The following VSX1 variants were observed in gnomAD, a reference collection of about 807,000 sequenced individuals.
The protein encoded by VSX1 is visual system homeobox 1.
In VSX1, 23 loss-of-function variants were observed where a neutral mutation model predicts 23.6. That is an observed-to-expected ratio of 0.97 (90% CI 0.70 to 1.38). The LOEUF is 1.38. VSX1 is among the 40% of genes most tolerant of loss of function. VSX1 has a pLI of 0.00. For missense variants in VSX1, 517 were observed against 495.4 expected (o/e 1.04, Z -0.41); for synonymous variants, 247 against 215.1 (o/e 1.15, Z -1.30).
chr20:25,077,635 CCACCTCCTACAA>C (rs2089529079), intron 4 of VSX1, 38 bp downstream of exon 4: 3 of 1,537,456 alleles, frequency 2.0e-6, no homozygotes, highest in Non-Finnish European at 2.6e-6. Flanking sequence ...TGGGATTCCC[CCACCTCCTACAA>C]CACCTCGAGC....
At position 25,081,911 on chromosome 20, in the gene VSX1, C is replaced by T. The variant is rs764775776; in HGVS notation, c.186G>A (p.Pro62=). Residue 62 remains proline, a synonymous_variant, in exon 1 of 5, where the codon CCG becomes CCA. Transcript: ENST00000376709. Reference sequence around the variant, plus strand: ...AGCCGTCAAGCCCCGGGCCCGGGCACGGCGCGACTGCCGGACCCTCGCAGC... The same window carrying T: ...AGCCGTCAAGCCCCGGGCCCGGGCATGGCGCGACTGCCGGACCCTCGCAGC... ...GSGCEGPAVA[P]CPGPGLDGSS... 2 of 1,528,948 alleles carry T rather than the reference C, an allele frequency of 1.3e-6. No homozygotes were observed. The highest frequency in any genetic ancestry group is 1.7e-6 in the Non-Finnish European group (2 of 1,144,330). The allele number at this position is 1,528,948 out of a possible 1,614,324, so 94.7% of individuals were successfully genotyped here.
downstream of VSX1, among the ~76,000 whole-genome samples, chr20:25,073,265 A>T (rs145901884): frequency 4.5e-3 from 678 of 152,236 alleles, 2 homozygotes; most frequent in African/African-American, 0.015. Flanking sequence ...TTATTTTTAC[A>T]TACTAATTTT....
chr20:25,077,600 A>G, intron 4 of VSX1, 85 bp downstream of exon 4: 1 of 1,495,726 alleles, frequency 6.7e-7, no homozygotes, highest in Non-Finnish European at 9.0e-7. Flanking sequence ...TTGCTTTGGA[A>G]ATGGCTGCCT....
At position 25,076,350 on chromosome 20, in the gene VSX1, T is replaced by C; in HGVS notation, c.1009A>G (p.Lys337Glu). Reference sequence around the variant, plus strand: ...GCACCAGCCCCAGGGTGCACTTTCTTGGTCTCCTGCCGGGCAGAGCTGGAG... The same window carrying C: ...GCACCAGCCCCAGGGTGCACTTTCTCGGTCTCCTGCCGGGCAGAGCTGGAG... ...DLSSSARQET[K>E]KVHPGAGAQG... Residue 337 changes from lysine to glutamate, a missense_variant, in exon 5 of 5, where the codon AAG (lysine) becomes GAG (glutamate). Physicochemically the swap from Lys to Glu is moderately conservative, Grantham distance 56 (BLOSUM62 1). Coordinates refer to ENST00000376709, the MANE Select transcript of VSX1 (RefSeq NM_014588.6). The C allele has an allele frequency of 6.2e-7, 1 of 1,614,160 alleles. No homozygotes were observed. Among genetic ancestry groups the C allele is most frequent in the Non-Finnish European group, 8.5e-7 (1 of 1,180,024 alleles).
In VSX1 at chr20:25,082,050, G is replaced by A. The variant is rs1367189291; in HGVS notation, c.47C>T (p.Ala16Val). 1 of 1,538,386 alleles carries A rather than the reference G, an allele frequency of 6.5e-7. No individual in the cohort carries two copies. Among genetic ancestry groups the A allele is most frequent in the East Asian group, 2.4e-5 (1 of 41,540 alleles). ...CCTAGGGGAACCGCCAGGCACCAGC[G>A]CCCTGCTGCTAGTGCGCCCGTCGGA... ...SLSDGRTSSR[A>V]LVPGGSPRGS... Residue 16 changes from alanine to valine, a missense_variant, in exon 1 of 5, where the codon GCG becomes GTG. Physicochemically the swap from Ala to Val is moderately conservative, Grantham distance 64. Coordinates refer to ENST00000376709, the MANE Select transcript of VSX1 (RefSeq NM_014588.6).
chr20:25,077,168 G>T (rs1385279301), intron 4 of VSX1, among the ~76,000 whole-genome samples: 1 of 152,198 alleles, frequency 6.6e-6, no homozygotes, highest in African/African-American at 2.4e-5. Flanking sequence ...TCCTGAGAGT[G>T]CTGGGTCTCA....
At chr20:25,079,935 C>T (rs1234618442) in intron 1 of VSX1, among the ~76,000 whole-genome samples, 1 of 152,126 alleles carries the variant, frequency 6.6e-6, no homozygotes, top group Non-Finnish European at 1.5e-5. Flanking sequence ...CCCCTATGCC[C>T]CCAGCCTCAT....
At chr20:25,081,593 G>A in intron 1 of VSX1, 80 bp downstream of exon 1, 1 of 1,547,932 alleles carries the variant, frequency 6.5e-7, no homozygotes, top group Admixed American at 1.8e-5. Flanking sequence ...CAGGGGTGCG[G>A]TGGGGCGATG....
chr20:25,077,547 T>A (rs879150560), intron 4 of VSX1, 138 bp downstream of exon 4: 2 of 1,022,372 alleles, frequency 2.0e-6, no homozygotes, highest in Admixed American at 2.6e-5. Flanking sequence ...TTAAAAATAA[T>A]AAGAACGGTT....
Position 25,077,834 on chromosome 20 carries a change from C to A in VSX1, c.659G>T (p.Arg220Leu). The change falls in exon 4 of 5, where the codon CGC becomes CTC. Residue 220 changes from arginine (R) to leucine (L), a missense_variant. Arg to Leu is a moderately radical substitution (Grantham distance 102). Transcript: ENST00000376709. Reference protein sequence around the residue: ...VWFQNRRAKWRKREKRWGGSS... With the variant: ...VWFQNRRAKWLKREKRWGGSS... ...GCCGCCCCAGCGCTTCTCCCGCTTG[C>A]GCCATTTGGCCCTGCGGTTTTGAAA... 4 of 1,551,876 alleles carry A rather than the reference C, an allele frequency of 2.6e-6. No individual in the cohort carries two copies. Among genetic ancestry groups the A allele is most frequent in the African/African-American group, 2.7e-5 (2 of 73,264 alleles).
At position 25,082,027 on chromosome 20, in the gene VSX1, T is replaced by C. The variant is rs1340190752; in HGVS notation, c.70A>G (p.Arg24Gly). The change falls in exon 1 of 5, where the codon AGG (arginine) becomes GGG (glycine). Residue 24 changes from arginine (R) to glycine (G), a missense_variant. Arg to Gly is a moderately radical substitution (Grantham distance 125, BLOSUM62 -2). Coordinates refer to ENST00000376709, the MANE Select transcript of VSX1 (RefSeq NM_014588.6). ...GCGAAGCCCCGGGGGCGCGAGCCCC[T>C]AGGGGAACCGCCAGGCACCAGCGCC... ...SRALVPGGSPRGSRPRGFAIT... is the reference protein window; with the variant it reads ...SRALVPGGSPGGSRPRGFAIT... The C allele has an allele frequency of 9.8e-6, 15 of 1,536,414 alleles. No homozygotes were observed. Among genetic ancestry groups the C allele is most frequent in the Non-Finnish European group, 1.3e-5 (15 of 1,147,552 alleles).
chr20:25,073,483 C>T (rs1397099084), downstream of VSX1, among the ~76,000 whole-genome samples: 4 of 152,126 alleles, frequency 2.6e-5, no homozygotes, highest in Non-Finnish European at 4.4e-5. Flanking sequence ...CCCTTTCTTT[C>T]TTCTTTGTTG....
Position 25,078,818 on chromosome 20 carries a change from A to C in VSX1, c.627+11T>G, listed in dbSNP as rs1377426583. ...GGTATCTTTGGAGCGGAGAAAAGGG[A>C]CCCCAGACACCTGTATCCGGTCTTC... is the stretch of plus-strand genomic sequence containing the variant. On this transcript the variant is annotated intron_variant, in intron 3 of 4. Coordinates refer to ENST00000376709, the MANE Select transcript of VSX1 (RefSeq NM_014588.6). The C allele has an allele frequency of 6.2e-7, 1 of 1,613,846 alleles. No individual in the cohort carries two copies. The highest frequency in any genetic ancestry group is 8.5e-7 in the Non-Finnish European group (1 of 1,179,954).
At chr20:25,075,064 T>C (rs1307330139), downstream of VSX1, among the ~76,000 whole-genome samples, 2 of 152,190 alleles carry the variant, frequency 1.3e-5, no homozygotes, top group Admixed American at 6.5e-5. Flanking sequence ...GGAACTAACA[T>C]AGGATGAGAA....
rs1335501475 is a variant in VSX1 at position 25,075,897 on chromosome 20, G to A, written c.*364C>T. On this transcript the variant is annotated 3_prime_UTR_variant, in exon 5 of 5. Coordinates refer to ENST00000376709, the MANE Select transcript of VSX1 (RefSeq NM_014588.6). ...TTTATATTTCCTAATTGAGAATGAGGACATCAGACCTAACCTATTCATCTA... is the reference window on the plus strand; with the variant it reads ...TTTATATTTCCTAATTGAGAATGAGAACATCAGACCTAACCTATTCATCTA... 8.2e-6 allele frequency: 2 copies of A among 243,472 alleles called. No homozygotes were observed. The highest frequency in any genetic ancestry group is 1.0e-4 in the Admixed American group (2 of 19,628). The allele number at this position is 243,472 out of a possible 1,614,324, so 15.1% of individuals were successfully genotyped here. A position where few individuals can be genotyped will look rare whatever the true frequency, so the allele number is the denominator to read the frequency against.
downstream of VSX1, chr20:25,072,414 G>A (rs780058932): frequency 5.8e-5 from 25 of 433,450 alleles, no homozygotes; most frequent in Non-Finnish European, 9.9e-5. Flanking sequence ...GTCCACACGT[G>A]TGTGTGCTGC....
At chr20:25,072,971 CTG>C (rs2089410716), downstream of VSX1, among the ~76,000 whole-genome samples, 1 of 152,082 alleles carries the variant, frequency 6.6e-6, no homozygotes, top group Admixed American at 6.5e-5. Flanking sequence ...ATTTTGAACA[CTG>C]GAAACAATTC....
downstream of VSX1, among the ~76,000 whole-genome samples, chr20:25,073,635 G>A (rs553110384): frequency 5.9e-5 from 9 of 152,348 alleles, no homozygotes; most frequent in African/African-American, 9.6e-5. Context: ...AGGCCTGAGC[G>A]TGACATGCAG....
chr20:25,075,254 G>GT (rs1353191680), downstream of VSX1, among the ~76,000 whole-genome samples: 1 of 152,160 alleles, frequency 6.6e-6, no homozygotes, highest in Non-Finnish European at 1.5e-5. Flanking sequence ...CAACTAGAAG[G>GT]TATCTTTCTG....
Sources: allele counts gnomAD v4.1 joint callset (sites outside exome capture counted in the v4.1 genomes callset), GRCh38; gene constraint gnomAD v4.1.1; transcripts MANE v1.5; gene names NCBI Gene and HGNC (gene_info 2026-07-23, HGNC 2026-07-21).